ZNF799: variants seen among roughly 807,000 people sequenced by gnomAD.
The protein encoded by ZNF799 is zinc finger protein 799, also known as zinc finger protein 14.
In ZNF799, 28 loss-of-function variants were observed where a neutral mutation model predicts 41.0. The observed-to-expected ratio is 0.68, with a 90% confidence interval of 0.51 to 0.94. The LOEUF is 0.94. Among genes scored for constraint, ZNF799 ranks in the 40% least tolerant of loss-of-function variants. ZNF799 has a pLI of 0.00. For missense variants in ZNF799, 716 were observed against 764.3 expected, an observed-to-expected ratio of 0.94 and a Z score of 0.74; for synonymous variants, 213 against 252.9, an observed-to-expected ratio of 0.84 and a Z score of 1.50.
At chr19:12,405,745 A>C (rs1272231566), upstream of ZNF799, among the ~76,000 whole-genome samples, 1 of 152,214 alleles carries the variant, frequency 6.6e-6, no homozygotes, top group Non-Finnish European at 1.5e-5. Flanking sequence ...ATAAATAGCA[A>C]AGAGTAAGCA....
At chr19:12,408,614 A>G in the ZNF799 span, among the ~76,000 whole-genome samples, 2 of 152,222 alleles carry the variant, frequency 1.3e-5, no homozygotes, top group Non-Finnish European at 2.9e-5. Context: ...GCTACATTAG[A>G]CTCAGATAAA....
At chr19:12,394,624 G>T in intron 1 of ZNF799, 9 of 985,298 alleles carry the variant, frequency 9.1e-6, no homozygotes, top group Non-Finnish European at 1.1e-5. Flanking sequence ...CACCTCAAAG[G>T]AAAAATTTTA....
At chr19:12,402,492 G>C (rs1970004407), upstream of ZNF799, among the ~76,000 whole-genome samples, 1 of 149,826 alleles carries the variant, frequency 6.7e-6, no homozygotes, top group Admixed American at 6.7e-5. Flanking sequence ...GGTAAAAGTG[G>C]GCATTCTTAT....
the ZNF799 span, among the ~76,000 whole-genome samples, chr19:12,406,887 G>A: frequency 2.6e-5 from 4 of 151,776 alleles, no homozygotes; most frequent in Non-Finnish European, 4.4e-5. Flanking sequence ...GCGACAAAGC[G>A]AGACTTCTTC....
intron 3 of ZNF799, 142 bp from the exon 4 acceptor site, chr19:12,392,348 C>G: frequency 7.6e-7 from 1 of 1,312,300 alleles, no homozygotes; most frequent in Non-Finnish European, 1.0e-6. Context: ...GGATGGAATG[C>G]TGTGCAAGGT....
chr19:12,396,985 A>C (rs994565166), intron 1 of ZNF799, among the ~76,000 whole-genome samples: 1 of 152,258 alleles, frequency 6.6e-6, no homozygotes, highest in East Asian at 1.9e-4. Flanking sequence ...GCATTAGAAA[A>C]TAATTCAATG....
chr19:12,398,223 C>A (rs1230884775), intron 1 of ZNF799: 2 of 145,952 alleles, frequency 1.4e-5, no homozygotes, highest in East Asian at 4.0e-4. Context: ...CGTGCCACTG[C>A]ACTCCAGCCT....
chr19:12,397,736 C>T (rs1433964846), intron 1 of ZNF799, among the ~76,000 whole-genome samples: 4 of 151,440 alleles, frequency 2.6e-5, no homozygotes. Context: ...TATATATGTA[C>T]ATATGAATCC....
chr19:12,390,496 A>C lies in ZNF799; in HGVS notation c.1902T>G (p.Ser634Arg). 6.2e-7 allele frequency: 1 copy of C among 1,613,896 alleles called. No individual in the cohort carries two copies. The highest frequency in any genetic ancestry group is 8.5e-7 in the Non-Finnish European group (1 of 1,179,832). Residue 634 changes from serine to arginine, a missense_variant, in exon 4 of 4, where the codon AGT (serine) becomes AGG (arginine). By Grantham distance (110) the Ser-to-Arg change is moderately radical. This residue lies in a region of ZNF799 where 698 missense variants were observed against 713.6 expected (regional missense o/e 0.98). Coordinates refer to ENST00000430385, the MANE Select transcript of ZNF799 (RefSeq NM_001080821.3). ...KECGKAFASLSSLHRHKKTH is the reference protein window; with the variant it reads ...KECGKAFASLRSLHRHKKTH ...GAGTCTTTTTATGTCTATGCAAGGA[A>C]CTGAGAGAAGCAAATGCTTTCCCAC...
chr19:12,398,557 T>C (rs1969932934), intron 1 of ZNF799, among the ~76,000 whole-genome samples: 1 of 152,192 alleles, frequency 6.6e-6, no homozygotes, highest in African/African-American at 2.4e-5. Context: ...TAGTAAGTGA[T>C]ACAGTTAAAA....
At chr19:12,399,823 C>A (rs1969950886) in intron 1 of ZNF799, among the ~76,000 whole-genome samples, 1 of 151,866 alleles carries the variant, frequency 6.6e-6, no homozygotes, top group African/African-American at 2.4e-5. Context: ...TTATTATTAT[C>A]ATTTATACTA....
chr19:12,390,864 C>T lies in ZNF799; in HGVS notation c.1534G>A (p.Ala512Thr). Residue 512 changes from alanine (A) to threonine (T), a missense_variant, in exon 4 of 4, where the codon GCC becomes ACC. Ala to Thr is a moderately conservative substitution (Grantham distance 58, BLOSUM62 0). This residue lies in a region of ZNF799 where 698 missense variants were observed against 713.6 expected (regional missense o/e 0.98). Transcript: ENST00000430385. ...KPYECNTCKK[A>T]FSHFGNLKVH... Reference sequence around the variant, plus strand: ...TTTAAGTTACCAAAATGACTGAAGGCTTTCTTACATGTGTTACACTCATAA... The same window carrying T: ...TTTAAGTTACCAAAATGACTGAAGGTTTTCTTACATGTGTTACACTCATAA... 1 of 1,614,096 alleles carries T rather than the reference C, an allele frequency of 6.2e-7. No individual in the cohort carries two copies. Among genetic ancestry groups the T allele is most frequent in the East Asian group, 2.2e-5 (1 of 44,848 alleles).
the ZNF799 span, among the ~76,000 whole-genome samples, chr19:12,411,285 C>T: frequency 6.6e-6 from 1 of 152,174 alleles, no homozygotes; most frequent in Non-Finnish European, 1.5e-5. Flanking sequence ...CTTGAGGTGA[C>T]CACACATCAA....
At chr19:12,409,575 T>C in the ZNF799 span, among the ~76,000 whole-genome samples, 2 of 152,226 alleles carry the variant, frequency 1.3e-5, no homozygotes, top group Non-Finnish European at 2.9e-5. Flanking sequence ...TATAGAATAC[T>C]TCACTCAACA....
chr19:12,395,605 G>A (rs989176989), intron 1 of ZNF799, among the ~76,000 whole-genome samples: 8 of 152,210 alleles, frequency 5.3e-5, no homozygotes, highest in Non-Finnish European at 1.2e-4. Flanking sequence ...GAGAAAAAGA[G>A]CTGAAGAGAA....
intron 1 of ZNF799, among the ~76,000 whole-genome samples, chr19:12,399,253 G>A (rs902276720): frequency 2.0e-5 from 3 of 152,166 alleles, no homozygotes; most frequent in African/African-American, 7.2e-5. Context: ...CACCCTCCCA[G>A]GAGACACTGC....
rs1599609044 is a variant in ZNF799 at position 12,399,244 on chromosome 19, A to G, written c.3+1824T>C. Among the ~76,000 whole-genome samples, 3 of 152,188 alleles carry G rather than the reference A, an allele frequency of 2.0e-5. No homozygotes were observed. The East Asian group carries it at 5.8e-4, about 29-fold the overall frequency. ...ATCCCTTAACCCTATTCTGGTCATC[A>G]CCCTCCCAGGAGACACTGCCTTGTG... is the stretch of plus-strand genomic sequence containing the variant. On this transcript the variant is annotated intron_variant, in intron 1 of 3. Coordinates refer to ENST00000430385, the MANE Select transcript of ZNF799 (RefSeq NM_001080821.3).
At chr19:12,407,571 A>G in the ZNF799 span, among the ~76,000 whole-genome samples, 1 of 152,164 alleles carries the variant, frequency 6.6e-6, no homozygotes, top group Non-Finnish European at 1.5e-5. Context: ...TGCAAACTAC[A>G]TAAAATATAT....
chr19:12,392,787 A>C lies in ZNF799; in HGVS notation c.131-124T>G, dbSNP rs542804998. On this transcript the variant is annotated intron_variant, in intron 2 of 3. Transcript: ENST00000430385. Reference sequence around the variant, plus strand: ...CTGAAGTACACCTGACTCTTGAAAAACAGAGGTTTGAACTGCACAAGTCCA... The same window carrying C: ...CTGAAGTACACCTGACTCTTGAAAACCAGAGGTTTGAACTGCACAAGTCCA... The C allele has an allele frequency of 3.1e-5, 22 of 713,102 alleles. No homozygotes were observed. The African/African-American group carries it at 3.8e-4, about 12-fold the overall frequency. 44.2% of individuals were successfully genotyped at this position (713,102 alleles called of 1,614,324 possible).
Sources: allele counts gnomAD v4.1 joint callset (sites outside exome capture counted in the v4.1 genomes callset), GRCh38; gene constraint gnomAD v4.1.1; regional missense constraint gnomAD v4.1.1; transcripts MANE v1.5; gene names NCBI Gene and HGNC (gene_info 2026-07-23, HGNC 2026-07-21).